DPP10: variants seen among roughly 807,000 people sequenced by gnomAD.
DPP10 encodes the protein dipeptidyl peptidase like 10, also known as inactive dipeptidyl peptidase 10.
Under a neutral mutation model 120.9 loss-of-function variants are expected in DPP10, and 33 were observed. That is an observed-to-expected ratio of 0.27 (90% CI 0.21 to 0.37). The LOEUF (loss-of-function observed/expected upper bound fraction) is 0.37. DPP10 is among the 10% of genes least tolerant of loss of function. The pLI is 1.00. For missense variants in DPP10, 816 were observed against 942.8 expected (o/e 0.87, Z 1.76); for synonymous variants, 337 against 326.1 (o/e 1.03, Z -0.36).
intron 10 of DPP10, among the ~76,000 whole-genome samples, chr2:115,750,897 T>A (rs1048312017): frequency 6.6e-6 from 1 of 152,194 alleles, no homozygotes; most frequent in Non-Finnish European, 1.5e-5. Flanking sequence ...TCAAGATGAA[T>A]GTTTAAATTC....
At chr2:115,764,896 C>T (rs1680533519) in intron 12 of DPP10, among the ~76,000 whole-genome samples, 1 of 152,094 alleles carries the variant, frequency 6.6e-6, no homozygotes. Context: ...CATATACTGT[C>T]TTTTTGCATA....
At chr2:114,973,820 C>A (rs190846796) in intron 1 of DPP10, among the ~76,000 whole-genome samples, 1 of 151,822 alleles carries the variant, frequency 6.6e-6, no homozygotes, top group Non-Finnish European at 1.5e-5. Context: ...AGCAGAAGAC[C>A]GTGATGTTGA....
At chr2:115,434,358 A>G (rs2071281903) in intron 3 of DPP10, among the ~76,000 whole-genome samples, 1 of 152,030 alleles carries the variant, frequency 6.6e-6, no homozygotes, top group Non-Finnish European at 1.5e-5. Flanking sequence ...TTGACTGAAC[A>G]CTTGCTTTTC....
intron 1 of DPP10, among the ~76,000 whole-genome samples, chr2:114,812,664 C>T (rs1313183433): frequency 2.0e-5 from 3 of 151,210 alleles, no homozygotes; most frequent in South Asian, 4.2e-4. Context: ...TTTGTTCTCA[C>T]CTCTGTATCT....
chr2:115,200,397 TC>T (rs1373459495), intron 1 of DPP10, among the ~76,000 whole-genome samples: 1 of 152,026 alleles, frequency 6.6e-6, no homozygotes, highest in Non-Finnish European at 1.5e-5. Flanking sequence ...AATTTTTTTT[TC>T]CCCCAAAGTC....
intron 1 of DPP10, among the ~76,000 whole-genome samples, chr2:114,854,562 T>G (rs1236235085): frequency 6.6e-6 from 1 of 152,036 alleles, no homozygotes; most frequent in Non-Finnish European, 1.5e-5. Flanking sequence ...CTCAGAGGAA[T>G]GAGAACAGGT....
intron 1 of DPP10, among the ~76,000 whole-genome samples, chr2:114,535,331 T>C (rs1335550741): frequency 6.6e-6 from 1 of 152,208 alleles, no homozygotes; most frequent in Non-Finnish European, 1.5e-5. Flanking sequence ...TTATTAAGTT[T>C]AGGATAGTCA....
Position 114,468,397 on chromosome 2 carries a change from CAAAAAA to C in DPP10, c.60+25578_60+25583del, listed in dbSNP as rs71297186. Among the ~76,000 whole-genome samples, 552 of 69,558 alleles carry C rather than the reference CAAAAAA, an allele frequency of 7.9e-3. 3 individuals are homozygous for C. Among genetic ancestry groups the C allele is most frequent in the African/African-American group, 0.027 (511 of 18,848 alleles). The allele number at this position is 69,558 out of a possible 152,430, so 45.6% of individuals were successfully genotyped here. The stretch of plus-strand genomic sequence containing the variant: ...GGATGACCTTGTCAGGCTTACAATG[CAAAAAA>C]AAAAAAAAAAAAAAAAAATTACAGG... On this transcript the variant is annotated intron_variant, in intron 1 of 25. Coordinates refer to ENST00000410059, the MANE Select transcript of DPP10 (RefSeq NM_020868.6).
At chr2:114,824,607 T>G (rs946288726) in intron 1 of DPP10, among the ~76,000 whole-genome samples, 1 of 151,576 alleles carries the variant, frequency 6.6e-6, no homozygotes, top group Non-Finnish European at 1.5e-5. Context: ...GAGTTCCATG[T>G]TAGTTTTTTT....
At chr2:115,377,355 G>A (rs935023399) in intron 3 of DPP10, among the ~76,000 whole-genome samples, 2 of 152,168 alleles carry the variant, frequency 1.3e-5, no homozygotes, top group African/African-American at 4.8e-5. Context: ...GTCTTGTTTT[G>A]AGAAGTGTCT....
chr2:114,587,332 C>T (rs867101928), intron 1 of DPP10, among the ~76,000 whole-genome samples: 5 of 150,788 alleles, frequency 3.3e-5, no homozygotes, highest in African/African-American at 7.3e-5. Flanking sequence ...TACACACACA[C>T]GCATGCACAC....
At chr2:114,853,573 A>G (rs1036799254) in intron 1 of DPP10, among the ~76,000 whole-genome samples, 1 of 152,148 alleles carries the variant, frequency 6.6e-6, no homozygotes, top group Admixed American at 6.6e-5. Flanking sequence ...CCATCTCTGA[A>G]GAATAAGGTC....
At chr2:115,202,083 A>G (rs1431658837) in intron 1 of DPP10, among the ~76,000 whole-genome samples, 2 of 152,154 alleles carry the variant, frequency 1.3e-5, no homozygotes, top group African/African-American at 4.8e-5. Flanking sequence ...GAACTCAGCC[A>G]CAGATGCATT....
intron 3 of DPP10, among the ~76,000 whole-genome samples, chr2:115,448,817 G>A (rs2104945366): frequency 6.6e-6 from 1 of 152,054 alleles, no homozygotes; most frequent in East Asian, 1.9e-4. Context: ...TCCCTTTCCA[G>A]ACTGAATTGT....
At chr2:114,697,205 T>C (rs1416949480) in intron 1 of DPP10, among the ~76,000 whole-genome samples, 9 of 152,170 alleles carry the variant, frequency 5.9e-5, no homozygotes, top group Admixed American at 2.0e-4. Context: ...TTACCAGATA[T>C]AGCTTTTTGA....
At chr2:115,069,945 TGTAA>T (rs936701147) in intron 1 of DPP10, among the ~76,000 whole-genome samples, 4 of 152,050 alleles carry the variant, frequency 2.6e-5, no homozygotes, top group Non-Finnish European at 5.9e-5. Flanking sequence ...TCTCCTTACC[TGTAA>T]GTGTTTATTT....
intron 3 of DPP10, among the ~76,000 whole-genome samples, chr2:115,494,460 A>G (rs1427156282): frequency 1.3e-5 from 2 of 152,108 alleles, no homozygotes; most frequent in African/African-American, 4.8e-5. Context: ...CTTCAGTTAA[A>G]TATATGGATC....
chr2:114,777,288 A>T (rs1383283129), intron 1 of DPP10, among the ~76,000 whole-genome samples: 1 of 152,184 alleles, frequency 6.6e-6, no homozygotes, highest in Non-Finnish European at 1.5e-5. Flanking sequence ...TGTGCTGGAA[A>T]TGGCTTCCTT....
chr2:114,615,422 A>G (rs533037873), intron 1 of DPP10, among the ~76,000 whole-genome samples: 16 of 152,228 alleles, frequency 1.1e-4, no homozygotes, highest in South Asian at 8.3e-4. Context: ...AATAGAGTTA[A>G]GCAGTTTGAA....
Sources: allele counts gnomAD v4.1 joint callset (sites outside exome capture counted in the v4.1 genomes callset), GRCh38; gene constraint gnomAD v4.1.1; transcripts MANE v1.5; gene names NCBI Gene and HGNC (gene_info 2026-07-23, HGNC 2026-07-21).